The following ALG12 variants were observed in gnomAD, a reference collection of about 807,000 sequenced individuals.
ALG12 encodes dol-P-Man:Man(7)GlcNAc(2)-PP-Dol alpha-1,6-mannosyltransferase.
A neutral mutation model predicts 46.0 loss-of-function variants in ALG12; 36 were observed. The ratio of observed to expected loss-of-function variants is 0.78; its 90% CI spans 0.60 to 1.03. The LOEUF is 1.03. ALG12 is among the 50% of genes least tolerant of loss of function. ALG12 has a pLI of 0.00. For synonymous variants in ALG12, 326 were observed against 291.6 expected (o/e 1.12, Z -1.20); for missense variants, 599 against 633.5 (o/e 0.95, Z 0.58).
At chr22:49,872,147 A>C in the ALG12 span, among the ~76,000 whole-genome samples, 8 of 152,216 alleles carry the variant, frequency 5.3e-5, no homozygotes, top group African/African-American at 1.9e-4. Context: ...ACTTCTTTCA[A>C]AATTGTAGTC....
Position 49,918,417 on chromosome 22 carries a change from C to T in ALG12, c.-233G>A, listed in dbSNP as rs939401218. 1 of 184,844 alleles carries T rather than the reference C, an allele frequency of 5.4e-6. No individual in the cohort carries two copies. Among genetic ancestry groups the T allele is most frequent in the Non-Finnish European group, 1.1e-5 (1 of 89,840 alleles). The allele number at this position is 184,844 out of a possible 1,614,324, so 11.5% of individuals were successfully genotyped here. A position where few individuals can be genotyped will look rare whatever the true frequency, so the allele number is the denominator to read the frequency against. On this transcript the variant is annotated 5_prime_UTR_variant, in exon 1 of 10. Coordinates refer to ENST00000330817, the MANE Select transcript of ALG12 (RefSeq NM_024105.4). ...CCCCGGCCGCTACGGCCGCAGAGACCCTCTGTGCCCTGAGTAAAGATGGCC... is the reference window on the plus strand; with the variant it reads ...CCCCGGCCGCTACGGCCGCAGAGACTCTCTGTGCCCTGAGTAAAGATGGCC...
the ALG12 span, chr22:49,883,738 G>A: frequency 2.5e-6 from 4 of 1,611,736 alleles, no homozygotes; most frequent in Non-Finnish European, 3.4e-6. Context: ...TAAAATAGAA[G>A]AGGAAGATGA....
chr22:49,883,867 A>G, the ALG12 span: 1 of 1,607,408 alleles, frequency 6.2e-7, no homozygotes. Flanking sequence ...TTGCAGCTGC[A>G]AGCCCCCGGG....
Position 49,903,688 on chromosome 22 carries a change from TG to T in ALG12, c.*149del. ...CCAGCTGAGGCTGTGGAGGAGGCCC[TG>T]GACCTGGTCTGGTGTCTGTCAGAGG... On this transcript the variant is annotated 3_prime_UTR_variant, in exon 10 of 10. Transcript: ENST00000330817. 1.1e-6 allele frequency: 1 copy of T among 907,106 alleles called. No individual in the cohort carries two copies. Among genetic ancestry groups the T allele is most frequent in the Non-Finnish European group, 1.8e-6 (1 of 569,908 alleles). 56.2% of individuals were successfully genotyped at this position (907,106 alleles called of 1,614,324 possible).
At chr22:49,904,109 C>G (rs199610216) in intron 9 of ALG12, 43 bp from the exon 10 acceptor site, 7 of 1,613,848 alleles carry the variant, frequency 4.3e-6, no homozygotes, top group Admixed American at 1.7e-5. Context: ...GCCCCCACAT[C>G]GCCCTGTCCC....
At chr22:49,880,165 G>A in the ALG12 span, among the ~76,000 whole-genome samples, 1 of 152,064 alleles carries the variant, frequency 6.6e-6, no homozygotes, top group Non-Finnish European at 1.5e-5. Flanking sequence ...CTCCTAACAC[G>A]GCTTAAAAGA....
chr22:49,898,395 TTC>T (rs1327254497), downstream of ALG12, among the ~76,000 whole-genome samples: 2 of 150,462 alleles, frequency 1.3e-5, no homozygotes, highest in African/African-American at 5.0e-5. Flanking sequence ...AGTGATTTTT[TTC>T]TTTTTTTTTT....
chr22:49,891,608 C>T, the ALG12 span, among the ~76,000 whole-genome samples: 1 of 152,170 alleles, frequency 6.6e-6, no homozygotes, highest in Admixed American at 6.5e-5. Flanking sequence ...ATGATTTTCA[C>T]CATTCTTCCA....
At chr22:49,863,127 G>T in the ALG12 span, among the ~76,000 whole-genome samples, 1 of 152,122 alleles carries the variant, frequency 6.6e-6, no homozygotes, top group Non-Finnish European at 1.5e-5. Flanking sequence ...GCATTCTTCT[G>T]GAGAGGCCCA....
chr22:49,902,063 C>G lies in ALG12; in HGVS notation c.*1775G>C, dbSNP rs961369342. ...ATGCATGGTAACGTACACGTGTGCA[C>G]TGTGTGTGGTGTGCATGCATGGTGT... On this transcript the variant is annotated 3_prime_UTR_variant, in exon 10 of 10. Coordinates refer to ENST00000330817, the MANE Select transcript of ALG12 (RefSeq NM_024105.4). 8.9e-6 allele frequency: 1 copy of G among 111,856 alleles called. No individual in the cohort carries two copies. Among genetic ancestry groups the G allele is most frequent in the Non-Finnish European group, 1.7e-5 (1 of 59,362 alleles). 6.9% of individuals were successfully genotyped at this position (111,856 alleles called of 1,614,324 possible).
At chr22:49,891,895 C>G in the ALG12 span, among the ~76,000 whole-genome samples, 5 of 152,148 alleles carry the variant, frequency 3.3e-5, no homozygotes, top group Admixed American at 6.5e-5. Context: ...CCTTCTCTTC[C>G]ACTTCTGACT....
chr22:49,917,257 G>A (rs564787849), intron 1 of ALG12, among the ~76,000 whole-genome samples: 1 of 152,332 alleles, frequency 6.6e-6, no homozygotes, highest in South Asian at 2.1e-4. Context: ...AGGTTAAAAC[G>A]GGCCCAGGCC....
the ALG12 span, chr22:49,886,609 C>T: frequency 4.5e-6 from 7 of 1,572,490 alleles, no homozygotes; most frequent in East Asian, 2.2e-5. The surrounding 1 kb of genome is among the most constrained non-coding windows in gnomAD (Gnocchi z 7.7). Context: ...CACCATGCTG[C>T]GCTCTCTGAA....
At chr22:49,899,508 T>C (rs1439266798), downstream of ALG12, among the ~76,000 whole-genome samples, 1 of 150,204 alleles carries the variant, frequency 6.7e-6, no homozygotes, top group Non-Finnish European at 1.5e-5. Flanking sequence ...GAAACGACAC[T>C]GAACCACCAC....
At chr22:49,910,282 C>G (rs763454718) in intron 4 of ALG12, 152 bp downstream of exon 4, 63 of 1,262,550 alleles carry the variant, frequency 5.0e-5, no homozygotes, top group Admixed American at 3.3e-4. Flanking sequence ...GCATGGAAAA[C>G]AAAGAGCCTG....
the ALG12 span, chr22:49,886,874 T>G: frequency 3.1e-6 from 5 of 1,613,734 alleles, no homozygotes; most frequent in Admixed American, 5.0e-5. This position sits in a 1 kb window ranked among gnomAD's most constrained non-coding sequence, Gnocchi z 7.7. Flanking sequence ...GTGGCCAAGG[T>G]GAAGAAGAAA....
At chr22:49,885,708 C>G in the ALG12 span, 1 of 1,608,536 alleles carries the variant, frequency 6.2e-7, no homozygotes. Context: ...TTGGCTTTAA[C>G]AGGCTGCTTG....
At chr22:49,862,997 C>T in the ALG12 span, among the ~76,000 whole-genome samples, 5 of 152,110 alleles carry the variant, frequency 3.3e-5, no homozygotes, top group South Asian at 2.1e-4. Context: ...CCACCGCACC[C>T]GGCCAGCCTT....
chr22:49,883,949 A>C, the ALG12 span: 2 of 1,613,696 alleles, frequency 1.2e-6, no homozygotes, highest in South Asian at 2.2e-5. Flanking sequence ...ACCCTATACG[A>C]CGTGGCCATG....
Sources: gnomAD v4.1 joint callset for allele counts (sites outside exome capture counted in the v4.1 genomes callset) on GRCh38, gnomAD v4.1.1 for gene constraint, Gnocchi (gnomAD v3.1) non-coding constraint, MANE v1.5 for transcripts, NCBI Gene and HGNC (gene_info 2026-07-23, HGNC 2026-07-21) for gene names.